The following FBXW2 variants were observed in gnomAD, a reference collection of about 807,000 sequenced individuals.
FBXW2 encodes the protein F-box/WD repeat-containing protein 2.
FBXW2 carries 12 observed loss-of-function variants against 46.0 expected under a neutral mutation model. The ratio of observed to expected loss-of-function variants is 0.26; its 90% confidence interval spans 0.17 to 0.42. The LOEUF (loss-of-function observed/expected upper bound fraction) is 0.42, where lower values mean the gene tolerates loss of function less well. Among genes scored for constraint, FBXW2 ranks in the 10% least tolerant of loss-of-function variants. The pLI, the probability that FBXW2 is intolerant of heterozygous loss-of-function variation, is 1.00. For synonymous variants in FBXW2, 203 were observed against 209.6 expected (o/e 0.97, Z 0.27); for missense variants, 360 against 537.0 (o/e 0.67, Z 3.26).
rs1396078353 is a variant in FBXW2, at chr9:120,760,293, C to T, written c.*4266G>A. ...CTTCCCAACAGAGAAAGGCAAGTGG[C>T]TTCATACACCAAGGCCCAGAGGAAG... On this transcript the variant is annotated 3_prime_UTR_variant, in exon 8 of 8. Transcript: ENST00000608872. The T allele has an allele frequency of 6.6e-6, 1 of 152,278 alleles. No individual in the cohort carries two copies. Among genetic ancestry groups the T allele is most frequent in the East Asian group, 1.9e-4 (1 of 5,202 alleles). 9.4% of individuals were successfully genotyped at this position (152,278 alleles called of 1,614,324 possible).
chr9:120,777,701 C>G (rs1450700502), intron 4 of FBXW2, among the ~76,000 whole-genome samples: 2 of 149,400 alleles, frequency 1.3e-5, no homozygotes, highest in Admixed American at 1.3e-4. Context: ...CTACACAAAG[C>G]CTCCCCACCC....
rs1396030329 is a variant in FBXW2 at position 120,764,668 on chromosome 9, T to C, written c.1256A>G (p.Glu419Gly). Residue 419 changes from glutamate (E) to glycine (G), a missense_variant, in exon 8 of 8, where the codon GAA (glutamate) becomes GGA (glycine). Glu to Gly is a moderately conservative substitution (Grantham distance 98). Coordinates refer to ENST00000608872, the MANE Select transcript of FBXW2 (RefSeq NM_012164.4). ...ATCCAGTCCATTCAGCCAGGATGCTTCGCCTGCCAGGAAGCTTGAGCCTCT... is the reference window on the plus strand; with the variant it reads ...ATCCAGTCCATTCAGCCAGGATGCTCCGCCTGCCAGGAAGCTTGAGCCTCT... ...SKRGSSFLAG[E>G]ASWLNGLDGH... 5.6e-6 allele frequency: 9 copies of C among 1,614,212 alleles called. No homozygotes were observed. Among genetic ancestry groups the C allele is most frequent in the Non-Finnish European group, 7.6e-6 (9 of 1,180,050 alleles).
chr9:120,776,016 T>C (rs796981264), intron 5 of FBXW2, 77 bp downstream of exon 5: 25 of 1,553,706 alleles, frequency 1.6e-5, no homozygotes, highest in South Asian at 2.4e-5. Flanking sequence ...CTAACACTTA[T>C]AAGGCAGTGT....
At chr9:120,785,146 C>T (rs2044693782) in intron 3 of FBXW2, among the ~76,000 whole-genome samples, 1 of 151,758 alleles carries the variant, frequency 6.6e-6, no homozygotes, top group African/African-American at 2.4e-5. Flanking sequence ...GTAGTTGGGA[C>T]CACAGGTGTG....
At chr9:120,779,982 T>G (rs1192238175) in intron 3 of FBXW2, among the ~76,000 whole-genome samples, 3 of 151,058 alleles carry the variant, frequency 2.0e-5, no homozygotes, top group Non-Finnish European at 4.4e-5. Flanking sequence ...TCTACTAAAA[T>G]AAAAAAAATC....
At chr9:120,774,134 G>A (rs1045587879) in intron 5 of FBXW2, among the ~76,000 whole-genome samples, 2 of 151,864 alleles carry the variant, frequency 1.3e-5, no homozygotes, top group South Asian at 2.1e-4. Flanking sequence ...TCAGGAGTTC[G>A]AGACCAGCCT....
rs757444158 is a variant in FBXW2 at position 120,771,377 on chromosome 9, C to T, written c.1047G>A (p.Gln349=). 2.5e-6 allele frequency: 4 copies of T among 1,612,478 alleles called. No individual in the cohort carries two copies. The highest frequency in any genetic ancestry group is 4.5e-5 in the East Asian group (2 of 44,886). ...IVCSSALGLY[Q]WDFASYDILR... is the part of the protein sequence containing the mutation. ...GAATATCATAACTGGCAAAGTCCCA[C>T]TGGTAGAGACCAAGTGCTGAACTAC... The change falls in exon 7 of 8, where the codon CAG becomes CAA. Residue 349 remains glutamine, a synonymous_variant. Transcript: ENST00000608872.
intron 7 of FBXW2, among the ~76,000 whole-genome samples, chr9:120,770,576 C>A (rs1189191989): frequency 2.0e-5 from 3 of 152,088 alleles, no homozygotes; most frequent in African/African-American, 7.2e-5. Flanking sequence ...AAAGATCTGC[C>A]AGGTGGTATA....
Position 120,771,204 on chromosome 9 carries a change from T to G in FBXW2, c.1076+144A>C, listed in dbSNP as rs1368839966. ...TTTTTCCTGTCTGAGATGTTCAGTA[T>G]ATATAACCCTGTTTACAAGTGATAC... On this transcript the variant is annotated intron_variant, in intron 7 of 7. Transcript: ENST00000608872. The G allele has an allele frequency of 1.1e-5, 7 of 623,852 alleles. No individual in the cohort carries two copies. The East Asian group carries it at 2.1e-4, about 18-fold the overall frequency. The allele number at this position is 623,852 out of a possible 1,614,324, so 38.6% of individuals were successfully genotyped here. A position where few individuals can be genotyped will look rare whatever the true frequency, so the allele number is the denominator to read the frequency against.
intron 3 of FBXW2, among the ~76,000 whole-genome samples, chr9:120,783,631 CAG>C (rs1472891570): frequency 6.6e-6 from 1 of 152,152 alleles, no homozygotes; most frequent in Non-Finnish European, 1.5e-5. Flanking sequence ...ATAGTCCACA[CAG>C]AGACTTTTAC....
chr9:120,775,710 TAAGA>T (rs750936307), intron 5 of FBXW2, among the ~76,000 whole-genome samples: 10 of 152,204 alleles, frequency 6.6e-5, no homozygotes, highest in African/African-American at 9.7e-5. Context: ...CTTTTCTGAT[TAAGA>T]AAGAAACATG....
intron 3 of FBXW2, among the ~76,000 whole-genome samples, chr9:120,781,546 G>T (rs112043301): frequency 6.6e-6 from 1 of 151,828 alleles, no homozygotes; most frequent in African/African-American, 2.4e-5. Flanking sequence ...AGGTTTGAAG[G>T]GGGGAAAACT....
In FBXW2 at chr9:120,786,145, A is replaced by G. The variant is rs75111332; in HGVS notation, c.490+1624T>C. On this transcript the variant is annotated intron_variant, in intron 3 of 7. Coordinates refer to ENST00000608872, the MANE Select transcript of FBXW2 (RefSeq NM_012164.4). ...AAAGAGGTAATACAAAGACACTAATAAAAACAGAAACAATCTGAATATGCA... is the reference window on the plus strand; with the variant it reads ...AAAGAGGTAATACAAAGACACTAATGAAAACAGAAACAATCTGAATATGCA... Among the ~76,000 whole-genome samples, 88 of 152,338 alleles carry G rather than the reference A, an allele frequency of 5.8e-4. 2 individuals carry two copies. The East Asian group carries it at 0.015, about 26-fold the overall frequency.
At chr9:120,792,177 C>G (rs1276680164) in intron 2 of FBXW2, among the ~76,000 whole-genome samples, 6 of 152,078 alleles carry the variant, frequency 3.9e-5, no homozygotes, top group African/African-American at 9.7e-5. Context: ...AATATTTTGC[C>G]CAGTACCCAT....
intron 4 of FBXW2, among the ~76,000 whole-genome samples, chr9:120,777,037 A>G (rs919706094): frequency 6.6e-6 from 1 of 152,198 alleles, no homozygotes; most frequent in African/African-American, 2.4e-5. Context: ...GGATGAGCAG[A>G]GTTTATCAAG....
chr9:120,758,487 C>G lies in FBXW2; in HGVS notation c.*6072G>C, dbSNP rs1224327730. 6.6e-6 allele frequency: 1 copy of G among 152,184 alleles called. No individual in the cohort carries two copies. Among genetic ancestry groups the G allele is most frequent in the Non-Finnish European group, 1.5e-5 (1 of 68,054 alleles). 9.4% of individuals were successfully genotyped at this position (152,184 alleles called of 1,614,324 possible). ...TCAAAGAAGTGGTTGGGGAGACTCC[C>G]TGGAAGCAAAGCATAAGACAGGTTG... On this transcript the variant is annotated 3_prime_UTR_variant, in exon 8 of 8. Transcript: ENST00000608872.
At chr9:120,770,443 C>T (rs2044355572) in intron 7 of FBXW2, among the ~76,000 whole-genome samples, 1 of 151,478 alleles carries the variant, frequency 6.6e-6, no homozygotes, top group Non-Finnish European at 1.5e-5. Flanking sequence ...CTGAACCATG[C>T]TATGGGACGC....
Position 120,757,487 on chromosome 9 carries a change from C to T in FBXW2, c.*7072G>A, listed in dbSNP as rs1178932147. 2 of 152,054 alleles carry T rather than the reference C, an allele frequency of 1.3e-5. No homozygotes were observed. Among genetic ancestry groups the T allele is most frequent in the Non-Finnish European group, 2.9e-5 (2 of 68,022 alleles). The allele number at this position is 152,054 out of a possible 1,614,324, so 9.4% of individuals were successfully genotyped here. Reference sequence around the variant, plus strand: ...AACTGGAAACTACCTAATTATCTACCAAAACAGAAATGGTTTAGCAAATTA... The same window carrying T: ...AACTGGAAACTACCTAATTATCTACTAAAACAGAAATGGTTTAGCAAATTA... On this transcript the variant is annotated 3_prime_UTR_variant, in exon 8 of 8. Transcript: ENST00000608872.
chr9:120,778,313 G>C (rs924627550), intron 4 of FBXW2, 38 bp downstream of exon 4: 91 of 1,574,642 alleles, frequency 5.8e-5, no homozygotes, highest in Admixed American at 1.4e-4. Context: ...AAAAGGATGA[G>C]GCTAAGTTGT....
Sources: allele counts gnomAD v4.1 joint callset (sites outside exome capture counted in the v4.1 genomes callset), GRCh38; gene constraint gnomAD v4.1.1; transcripts MANE v1.5; gene names NCBI Gene and HGNC (gene_info 2026-07-23, HGNC 2026-07-21).